Variants in MUC4 observed in about 807,000 individuals in gnomAD.
The protein encoded by MUC4 is mucin-4.
In MUC4, 202 loss-of-function variants were observed where a neutral mutation model predicts 257.9. The observed-to-expected ratio is 0.78, with a 90% confidence interval of 0.70 to 0.88. The LOEUF (loss-of-function observed/expected upper bound fraction) is 0.88, where lower values mean the gene tolerates loss of function less well. Ranked by LOEUF, MUC4 falls within the 40% of genes least tolerant of loss-of-function variation. The pLI is 0.00. For missense variants in MUC4, 5,976 were observed against 6,513.7 expected (o/e 0.92, Z 2.84); for synonymous variants, 2,351 against 2,757.1 (o/e 0.85, Z 4.62).
chr3:195,811,902 C>A lies in MUC4; in HGVS notation c.-85G>T, dbSNP rs1401516692. On this transcript the variant is annotated 5_prime_UTR_variant, in exon 1 of 25. Transcript: ENST00000463781. Reference sequence around the variant, plus strand: ...GTGAGGAGCAGACGTGAGCCCGTCCCCTCAGGCGGCTGGCCCGAACCAAGT... The same window carrying A: ...GTGAGGAGCAGACGTGAGCCCGTCCACTCAGGCGGCTGGCCCGAACCAAGT... 7.3e-7 allele frequency: 1 copy of A among 1,369,032 alleles called. No homozygotes were observed. Among genetic ancestry groups the A allele is most frequent in the African/African-American group, 1.4e-5 (1 of 70,138 alleles). The allele number at this position is 1,369,032 out of a possible 1,614,324, so 84.8% of individuals were successfully genotyped here. A position where few individuals can be genotyped will look rare whatever the true frequency, so the allele number is the denominator to read the frequency against.
In MUC4 at chr3:195,779,364, T is replaced by C; in HGVS notation, c.12216A>G (p.Ser4072=). ...GAGTGCTGGTGTCACCTCTGGATGC[T>C]GAGGAAGGGCTGGTGACATGAAGAG... is the stretch of plus-strand genomic sequence containing the variant. ...ATPLHVTSPS[S]ASRGDTSTLP... The change falls in exon 2 of 25, where the codon TCA becomes TCG. Residue 4072 remains serine, a synonymous_variant. Coordinates refer to ENST00000463781, the MANE Select transcript of MUC4 (RefSeq NM_018406.7). The C allele has an allele frequency of 1.9e-6, 2 of 1,075,620 alleles. 1 individual carries two copies. The highest frequency in any genetic ancestry group is 2.5e-6 in the Non-Finnish European group (2 of 798,440). The allele number at this position is 1,075,620 out of a possible 1,614,324, so 66.6% of individuals were successfully genotyped here.
chr3:195,763,704 A>T (rs1476906883), intron 11 of MUC4, 63 bp from the exon 12 acceptor site: 7 of 1,398,552 alleles, frequency 5.0e-6, no homozygotes, highest in Non-Finnish European at 6.7e-6. Context: ...GAGGTTCCTC[A>T]CTGCAGTCAG....
intron 7 of MUC4, among the ~76,000 whole-genome samples, chr3:195,767,683 ACTGG>A (rs1560263347): frequency 0.028 from 33 of 1,200 alleles, 2 homozygotes; most frequent in East Asian, 0.045. Context: ...CACCACCATC[ACTGG>A]CCACCCCCCA....
chr3:195,794,375 G>GAGAGAGAGAGAGAGAGAAGAA (rs1734286740), intron 1 of MUC4, among the ~76,000 whole-genome samples: 2 of 90,828 alleles, frequency 2.2e-5, no homozygotes, highest in African/African-American at 9.7e-5. Flanking sequence ...TATATATATA[G>GAGAGAGAGAGAGAGAGAAGAA]AGAGAGAGAG....
At chr3:195,752,103 A>G (rs1716559211) in intron 21 of MUC4, 1 of 481,604 alleles carries the variant, frequency 2.1e-6, no homozygotes, top group Non-Finnish European at 3.7e-6. Flanking sequence ...AATGTCCTTT[A>G]GTTTCTTTCA....
At chr3:195,750,085 T>C (rs1033284182) in intron 23 of MUC4, 1 of 152,314 alleles carries the variant, frequency 6.6e-6, no homozygotes, top group African/African-American at 2.4e-5. Context: ...TCTTGCTTGG[T>C]CCCAGACCCA....
At position 195,810,989 on chromosome 3, in the gene MUC4, C is replaced by T. The variant is rs549777582; in HGVS notation, c.82+747G>A. ...GCCTGGGCTCTCACCATGGATCCTT[C>T]CAGACATCGCCGGGCTGCTCTCTGG... On this transcript the variant is annotated intron_variant, in intron 1 of 24. Transcript: ENST00000463781. This position sits in a 1 kb window ranked among gnomAD's most constrained non-coding sequence, Gnocchi z 4.2. Among the ~76,000 whole-genome samples, 51 of 152,146 alleles carry T rather than the reference C, an allele frequency of 3.4e-4. No individual in the cohort carries two copies. Among genetic ancestry groups the T allele is most frequent in the African/African-American group, 1.2e-3 (48 of 41,510 alleles).
intron 1 of MUC4, 90 bp downstream of exon 1, chr3:195,811,646 C>G (rs1465890608): frequency 6.0e-5 from 66 of 1,103,542 alleles, no homozygotes; most frequent in Middle Eastern, 2.0e-4. Context: ...CTCTCTCTCT[C>G]TCTGTCTCCC....
At chr3:195,758,950 G>C (rs1181216564) in intron 17 of MUC4, among the ~76,000 whole-genome samples, 174 bp downstream of exon 17, 1 of 151,994 alleles carries the variant, frequency 6.6e-6, no homozygotes, top group Non-Finnish European at 1.5e-5. Context: ...ACTTACTGGG[G>C]GGCACCTATT....
chr3:195,772,794 C>CCT, intron 4 of MUC4, among the ~76,000 whole-genome samples: 1 of 96,204 alleles, frequency 1.0e-5, no homozygotes, highest in Non-Finnish European at 2.3e-5. Context: ...GTAGACACCC[C>CCT]CTCTCCATCG....
intron 10 of MUC4, 25 bp downstream of exon 10, chr3:195,764,972 G>T: frequency 6.2e-7 from 1 of 1,610,676 alleles, no homozygotes. Flanking sequence ...CGGGAAGGTG[G>T]GGTTGAGATC....
chr3:195,794,467 C>T (rs1734317459), intron 1 of MUC4, among the ~76,000 whole-genome samples: 1 of 151,970 alleles, frequency 6.6e-6, no homozygotes, highest in Non-Finnish European at 1.5e-5. Context: ...GGCTGAAGTT[C>T]AGCGGTGTAA....
At chr3:195,754,869 C>T (rs2688520) in intron 18 of MUC4, among the ~76,000 whole-genome samples, 17 of 22,402 alleles carry the variant, frequency 7.6e-4, no homozygotes, top group East Asian at 8.3e-3. Flanking sequence ...AGATATGTAT[C>T]AATGTATGTA....
Position 195,788,250 on chromosome 3 carries a change from A to G in MUC4, c.3330T>C (p.Thr1110=), listed in dbSNP as rs1733098203. The G allele has an allele frequency of 6.8e-7, 1 of 1,473,972 alleles. No homozygotes were observed. The highest frequency in any genetic ancestry group is 2.1e-5 in the Admixed American group (1 of 48,510). The allele number at this position is 1,473,972 out of a possible 1,614,324, so 91.3% of individuals were successfully genotyped here. ...TGGTGTGACCTGTGGATACTGAGGA[A>G]GTGTCGGTGACAGGAAGAGAGGTGG... ...GHATSLPVTD[T]SSVSTGHTTP... The change falls in exon 2 of 25, where the codon ACT becomes ACC. Residue 1110 remains threonine (T), a synonymous_variant. Coordinates refer to ENST00000463781, the MANE Select transcript of MUC4 (RefSeq NM_018406.7).
At chr3:195,764,351 G>A (rs565289153) in intron 10 of MUC4, among the ~76,000 whole-genome samples, 187 bp from the exon 11 acceptor site, 2 of 151,954 alleles carry the variant, frequency 1.3e-5, no homozygotes, top group South Asian at 2.1e-4. Context: ...AGGGCAGGGC[G>A]GTGTTGGTGG....
At chr3:195,760,863 C>G in intron 16 of MUC4, 21 bp downstream of exon 16, 3 of 1,610,120 alleles carry the variant, frequency 1.9e-6, no homozygotes, top group Non-Finnish European at 2.5e-6. Flanking sequence ...AAAAGGCCTC[C>G]CCAGGCCTCG....
At chr3:195,767,911 CAT>C (rs1560266510) in intron 7 of MUC4, among the ~76,000 whole-genome samples, 2 of 128,554 alleles carry the variant, frequency 1.6e-5, no homozygotes, top group African/African-American at 9.1e-5. Flanking sequence ...CCACCATCAC[CAT>C]CGCCACTGCC....
chr3:195,767,876 A>AC (rs1180792106), intron 7 of MUC4, among the ~76,000 whole-genome samples: 31 of 143,494 alleles, frequency 2.2e-4, no homozygotes, highest in African/African-American at 8.5e-4. Flanking sequence ...CACCACCACC[A>AC]TCACCACCAT....
rs1156507382 is a variant in MUC4 at position 195,790,129 on chromosome 3, T to C, written c.1451A>G (p.Glu484Gly). The C allele has an allele frequency of 1.3e-5, 21 of 1,614,008 alleles. No homozygotes were observed. The highest frequency in any genetic ancestry group is 1.7e-5 in the Non-Finnish European group (20 of 1,179,906). The change falls in exon 2 of 25, where the codon GAA becomes GGA. Residue 484 changes from glutamate to glycine, a missense_variant. Glu to Gly is a moderately conservative substitution (Grantham distance 98). Around this residue, in one of 44 missense-constraint regions of MUC4, gnomAD observed 1,583 missense variants for 1,257.4 expected, o/e 1.26. Transcript: ENST00000463781. ...GAATGAGGAAGGCCATGTTGTTGTT[T>C]CATGTAGAGTAAATATTTCTTGAGA... ...GVSQEIFTLH[E>G]TTTWPSSFSS...
Sources: gnomAD v4.1 joint callset for allele counts (sites outside exome capture counted in the v4.1 genomes callset) on GRCh38, gnomAD v4.1.1 for gene constraint, gnomAD v4.1.1 regional missense constraint, Gnocchi (gnomAD v3.1) non-coding constraint, MANE v1.5 for transcripts, NCBI Gene and HGNC (gene_info 2026-07-23, HGNC 2026-07-21) for gene names.